The following SLC44A1 variants were observed in gnomAD, a reference collection of about 807,000 sequenced individuals.
SLC44A1 encodes solute carrier family 44 member 1.
SLC44A1 carries 26 observed loss-of-function variants against 79.3 expected under a neutral mutation model. The ratio of observed to expected loss-of-function variants is 0.33; its 90% CI spans 0.24 to 0.46. The LOEUF (loss-of-function observed/expected upper bound fraction) is 0.46. SLC44A1 is among the 20% of genes least tolerant of loss of function. The probability of loss-of-function intolerance (pLI) is 1.00; values close to 1 mark genes in which losing one functional copy is unlikely to be tolerated. For synonymous variants in SLC44A1, 263 were observed against 286.2 expected (o/e 0.92, Z 0.82); for missense variants, 688 against 798.1 (o/e 0.86, Z 1.66).
intron 1 of SLC44A1, among the ~76,000 whole-genome samples, chr9:105,256,776 A>ATTTTATTTTG (rs1829717833): frequency 6.8e-6 from 1 of 147,212 alleles, no homozygotes; most frequent in Non-Finnish European, 1.5e-5. Context: ...ATTTTATTTT[A>ATTTTATTTTG]TTTTATTTTA....
At chr9:105,429,755 ACTTAAAT>A (rs1166964185) in intron 15 of SLC44A1, among the ~76,000 whole-genome samples, 1 of 152,200 alleles carries the variant, frequency 6.6e-6, no homozygotes, top group Non-Finnish European at 1.5e-5. Context: ...AAACATTAAC[ACTTAAAT>A]CTTCAAATAC....
At chr9:105,335,732 G>T in intron 4 of SLC44A1, 33 bp downstream of exon 4, 2 of 1,593,676 alleles carry the variant, frequency 1.3e-6, no homozygotes, top group East Asian at 4.5e-5. Flanking sequence ...TCTATGTCCT[G>T]TCACCTTGTT....
intron 3 of SLC44A1, among the ~76,000 whole-genome samples, chr9:105,329,205 G>T (rs1381667603): frequency 1.3e-5 from 2 of 152,206 alleles, no homozygotes; most frequent in African/African-American, 4.8e-5. Context: ...GCTATAAATT[G>T]TAAATTGATA....
At chr9:105,408,021 G>A (rs556740857) in intron 15 of SLC44A1, among the ~76,000 whole-genome samples, 3 of 152,088 alleles carry the variant, frequency 2.0e-5, no homozygotes, top group African/African-American at 7.2e-5. Flanking sequence ...ACAAAAATTA[G>A]CTGGCATAGT....
chr9:105,333,167 A>T (rs1416568556), intron 3 of SLC44A1, among the ~76,000 whole-genome samples: 7 of 152,240 alleles, frequency 4.6e-5, no homozygotes, highest in Admixed American at 2.0e-4. Context: ...AGCCTACAGG[A>T]CAGACAGTGT....
At chr9:105,371,614 G>T (rs1828103331) in intron 12 of SLC44A1, among the ~76,000 whole-genome samples, 1 of 151,304 alleles carries the variant, frequency 6.6e-6, no homozygotes, top group Non-Finnish European at 1.5e-5. Flanking sequence ...AGCTACTCGG[G>T]AGGCTGAGGC....
At chr9:105,377,329 A>G (rs1259324441) in intron 13 of SLC44A1, among the ~76,000 whole-genome samples, 1 of 152,238 alleles carries the variant, frequency 6.6e-6, no homozygotes, top group Non-Finnish European at 1.5e-5. Context: ...ATGGAAATGA[A>G]TATCTCAAGA....
At chr9:105,397,959 AAAAAG>A (rs1564051752), downstream of SLC44A1, among the ~76,000 whole-genome samples, 1 of 151,522 alleles carries the variant, frequency 6.6e-6, no homozygotes, top group African/African-American at 2.4e-5. Flanking sequence ...GAAAAAAAAA[AAAAAG>A]AAAAAAAGAA....
In SLC44A1 at chr9:105,394,608, CATT is replaced by C. The variant is rs1399187410; in HGVS notation, c.*5555_*5557del. The C allele has an allele frequency of 1.0e-5, 10 of 985,030 alleles. No individual in the cohort carries two copies. Among genetic ancestry groups the C allele is most frequent in the East Asian group, 1.1e-4 (1 of 8,828 alleles). The allele number at this position is 985,030 out of a possible 1,614,324, so 61.0% of individuals were successfully genotyped here. A position where few individuals can be genotyped will look rare whatever the true frequency, so the allele number is the denominator to read the frequency against. On this transcript the variant is annotated 3_prime_UTR_variant, in exon 16 of 16. Coordinates refer to ENST00000374720, the MANE Select transcript of SLC44A1 (RefSeq NM_080546.5). The stretch of plus-strand genomic sequence containing the variant: ...TCTTTTTATTGTAGCTCAGCTATGA[CATT>C]ATGACATTATGTGGCTTAGTGTTAT...
intron 1 of SLC44A1, among the ~76,000 whole-genome samples, chr9:105,249,456 G>A (rs1829529264): frequency 6.6e-6 from 1 of 151,956 alleles, no homozygotes; most frequent in Admixed American, 6.6e-5. Context: ...TGTTAGCATA[G>A]AGGATCTACT....
chr9:105,429,279 T>C (rs984829475), intron 15 of SLC44A1, among the ~76,000 whole-genome samples: 1 of 152,154 alleles, frequency 6.6e-6, no homozygotes, highest in African/African-American at 2.4e-5. Context: ...AGGGCTTTTC[T>C]GTATTACTTT....
intron 5 of SLC44A1, among the ~76,000 whole-genome samples, chr9:105,353,471 A>G (rs557569526): frequency 4.5e-4 from 68 of 152,308 alleles, no homozygotes; most frequent in South Asian, 2.3e-3. Flanking sequence ...CTGTTCCTGT[A>G]TAATTTTGTA....
intron 14 of SLC44A1, 92 bp from the exon 15 acceptor site, chr9:105,385,330 T>C: frequency 1.1e-6 from 1 of 886,772 alleles, no homozygotes; most frequent in South Asian, 1.5e-5. Context: ...TTTACCAAGA[T>C]TGAGTCAAAA....
chr9:105,259,307 T>G (rs113794276), intron 1 of SLC44A1, among the ~76,000 whole-genome samples: 1,937 of 152,330 alleles, frequency 0.013, 14 homozygotes, highest in Admixed American at 0.018. Context: ...GATATTTATA[T>G]GTTTAGTCAG....
chr9:105,338,515 A>C (rs1826991811), intron 4 of SLC44A1, among the ~76,000 whole-genome samples: 1 of 152,148 alleles, frequency 6.6e-6, no homozygotes. Flanking sequence ...TCTGGGCTCA[A>C]GTGGTTCTCC....
At chr9:105,276,564 C>CTGTGTGTG (rs1564409372) in intron 1 of SLC44A1, among the ~76,000 whole-genome samples, 1 of 63,896 alleles carries the variant, frequency 1.6e-5, no homozygotes, top group East Asian at 5.4e-4. Flanking sequence ...GGATGGGGAG[C>CTGTGTGTG]CGTGTGTGTG....
chr9:105,361,504 G>A (rs775372335), intron 8 of SLC44A1, among the ~76,000 whole-genome samples, 174 bp downstream of exon 8: 7 of 152,152 alleles, frequency 4.6e-5, no homozygotes, highest in Non-Finnish European at 7.4e-5. Context: ...CTTCCCTCAT[G>A]GATGAGTGCT....
chr9:105,382,781 AAG>A (rs1273029661), intron 13 of SLC44A1, among the ~76,000 whole-genome samples: 1 of 152,102 alleles, frequency 6.6e-6, no homozygotes, highest in Non-Finnish European at 1.5e-5. Context: ...TCTGAGTGCT[AAG>A]AGTTTGTAAA....
chr9:105,394,846 T>G lies in SLC44A1; in HGVS notation c.*5790T>G. 5 of 985,446 alleles carry G rather than the reference T, an allele frequency of 5.1e-6. No individual in the cohort carries two copies. The highest frequency in any genetic ancestry group is 6.0e-6 in the Non-Finnish European group (5 of 829,950). 61.0% of individuals were successfully genotyped at this position (985,446 alleles called of 1,614,324 possible). On this transcript the variant is annotated 3_prime_UTR_variant, in exon 16 of 16. Coordinates refer to ENST00000374720, the MANE Select transcript of SLC44A1 (RefSeq NM_080546.5). The stretch of plus-strand genomic sequence containing the variant: ...ACGGAGGTGTGTTCTGTTTTAGTGT[T>G]TTCCAGTCACCCACTAGAGCAGCTT...
Sources: gnomAD v4.1 joint callset for allele counts (sites outside exome capture counted in the v4.1 genomes callset) on GRCh38, gnomAD v4.1.1 for gene constraint, MANE v1.5 for transcripts, NCBI Gene and HGNC (gene_info 2026-07-23, HGNC 2026-07-21) for gene names.